C18orf63: variants seen among roughly 807,000 people sequenced by gnomAD.
C18orf63 encodes uncharacterized protein C18orf63.
A neutral mutation model predicts 75.3 loss-of-function variants in C18orf63; 50 were observed. The ratio of observed to expected loss-of-function variants is 0.66; its 90% CI spans 0.53 to 0.84. C18orf63 has a LOEUF of 0.84. Ranked by LOEUF, C18orf63 falls within the 40% of genes least tolerant of loss-of-function variation. The pLI is 0.00. For synonymous variants in C18orf63, 232 were observed against 267.6 expected (o/e 0.87, Z 1.30); for missense variants, 732 against 800.2 (o/e 0.91, Z 1.03).
In C18orf63 at chr18:74,357,172, G is replaced by C. The variant is rs764979573; in HGVS notation, c.*725G>C. 2.6e-5 allele frequency: 4 copies of C among 152,090 alleles called. No individual in the cohort carries two copies. Among genetic ancestry groups the C allele is most frequent in the Non-Finnish European group, 4.4e-5 (3 of 68,006 alleles). The allele number at this position is 152,090 out of a possible 1,614,324, so 9.4% of individuals were successfully genotyped here. A position where few individuals can be genotyped will look rare whatever the true frequency, so the allele number is the denominator to read the frequency against. ...CAAAACTGGAGCCTTTATTGGGGTG[G>C]AGATTTCTGTTTCCACCAGTACTCA... On this transcript the variant is annotated 3_prime_UTR_variant, in exon 14 of 14. Transcript: ENST00000579455.
intron 10 of C18orf63, 42 bp downstream of exon 10, chr18:74,342,368 CCTTATAAT>C: frequency 8.4e-7 from 1 of 1,192,210 alleles, no homozygotes; most frequent in South Asian, 1.3e-5. Context: ...TGTCTGCCCA[CCTTATAAT>C]CTAGTTTTGC....
chr18:74,335,729 T>C (rs955010006), intron 7 of C18orf63, among the ~76,000 whole-genome samples: 1 of 152,122 alleles, frequency 6.6e-6, no homozygotes, highest in Non-Finnish European at 1.5e-5. Flanking sequence ...GGTACTACTA[T>C]GTATATATGC....
At chr18:74,354,825 C>T (rs150856610) in intron 13 of C18orf63, among the ~76,000 whole-genome samples, 74 of 152,296 alleles carry the variant, frequency 4.9e-4, no homozygotes, top group African/African-American at 1.8e-3. Context: ...CTAGGAAGAG[C>T]TCACACAGCA....
At chr18:74,338,616 T>C (rs1174672939) in intron 7 of C18orf63, 99 bp from the exon 8 acceptor site, 2 of 462,462 alleles carry the variant, frequency 4.3e-6, no homozygotes, top group East Asian at 3.3e-5. Flanking sequence ...AAATCTACTT[T>C]ATAACCTACT....
At chr18:74,347,619 A>G (rs1200765328) in intron 11 of C18orf63, among the ~76,000 whole-genome samples, 2 of 152,228 alleles carry the variant, frequency 1.3e-5, no homozygotes, top group Non-Finnish European at 2.9e-5. Context: ...TAACACATAG[A>G]AAAGTTTCTT....
chr18:74,340,165 A>G (rs1984456413), intron 8 of C18orf63, among the ~76,000 whole-genome samples: 1 of 109,824 alleles, frequency 9.1e-6, no homozygotes, highest in African/African-American at 2.9e-5. Context: ...ATAGCAAGAA[A>G]ACAAATAACC....
intron 8 of C18orf63, among the ~76,000 whole-genome samples, chr18:74,341,270 C>CAAAAAAAAAAAAAAA (rs58362707): frequency 1.7e-5 from 1 of 58,986 alleles, no homozygotes; most frequent in Non-Finnish European, 2.8e-5. Flanking sequence ...GACTCCGTCT[C>CAAAAAAAAAAAAAAA]AAAAAAAAAA....
intron 11 of C18orf63, among the ~76,000 whole-genome samples, chr18:74,352,709 G>C (rs1716762823): frequency 6.6e-6 from 1 of 152,174 alleles, no homozygotes; most frequent in South Asian, 2.1e-4. Context: ...ATAAGTCATG[G>C]TTCTTACCCT....
At position 74,328,977 on chromosome 18, in the gene C18orf63, T is replaced by A; in HGVS notation, c.383-18T>A. 1 of 1,413,046 alleles carries A rather than the reference T, an allele frequency of 7.1e-7. No homozygotes were observed. The highest frequency in any genetic ancestry group is 9.7e-7 in the Non-Finnish European group (1 of 1,034,918). 87.5% of individuals were successfully genotyped at this position (1,413,046 alleles called of 1,614,324 possible). The stretch of plus-strand genomic sequence containing the variant: ...TTATGAGTTGTAATAACATGGCATA[T>A]TCTATGAATTTTTTAAGGAAGAGAT... On this transcript the variant is annotated intron_variant, in intron 5 of 13. Coordinates refer to ENST00000579455, the MANE Select transcript of C18orf63 (RefSeq NM_001174123.2).
At chr18:74,334,760 C>T (rs1049208064) in intron 7 of C18orf63, among the ~76,000 whole-genome samples, 2 of 152,066 alleles carry the variant, frequency 1.3e-5, no homozygotes, top group South Asian at 2.1e-4. Flanking sequence ...CTACCATGGC[C>T]TCCATTGACT....
intron 7 of C18orf63, among the ~76,000 whole-genome samples, 151 bp downstream of exon 7, chr18:74,331,093 T>C (rs1283368562): frequency 6.6e-6 from 1 of 152,210 alleles, no homozygotes; most frequent in African/African-American, 2.4e-5. Flanking sequence ...AAATGCTTGA[T>C]ATATTTATGT....
Position 74,353,601 on chromosome 18 carries a change from A to G in C18orf63, c.1334A>G (p.Gln445Arg). 6.5e-7 allele frequency: 1 copy of G among 1,536,352 alleles called. No homozygotes were observed. The highest frequency in any genetic ancestry group is 8.7e-7 in the Non-Finnish European group (1 of 1,146,930). Residue 445 changes from glutamine to arginine, a missense_variant, in exon 12 of 14, where the codon CAA (glutamine) becomes CGA (arginine). This residue lies in a region of C18orf63 where 495 missense variants were observed against 508.7 expected (regional missense o/e 0.97). Transcript: ENST00000579455. ...FVPVFKNRLL[Q>R]MNKNTSVLGS... Reference sequence around the variant, plus strand: ...CCAGTTTTCAAAAATAGATTGTTACAAATGAACAAAAATACCTCAGTACTT... The same window carrying G: ...CCAGTTTTCAAAAATAGATTGTTACGAATGAACAAAAATACCTCAGTACTT...
chr18:74,337,219 A>G (rs749295389), intron 7 of C18orf63, among the ~76,000 whole-genome samples: 13 of 152,120 alleles, frequency 8.5e-5, no homozygotes, highest in Non-Finnish European at 1.6e-4. Flanking sequence ...GTCATCATAT[A>G]AGGGCACTTT....
At chr18:74,338,013 G>T (rs891161567) in intron 7 of C18orf63, among the ~76,000 whole-genome samples, 1 of 152,136 alleles carries the variant, frequency 6.6e-6, no homozygotes, top group Non-Finnish European at 1.5e-5. Flanking sequence ...TGGGGTAAGG[G>T]TTTATGAATC....
At chr18:74,322,816 C>A in intron 4 of C18orf63, 62 bp downstream of exon 4, 1 of 552,242 alleles carries the variant, frequency 1.8e-6, no homozygotes, top group Non-Finnish European at 2.8e-6. Context: ...CGTTCCACTC[C>A]TTTTGTCAAC....
At position 74,353,816 on chromosome 18, in the gene C18orf63, G is replaced by C. The variant is rs1599010839; in HGVS notation, c.1549G>C (p.Glu517Gln). Reference sequence around the variant, plus strand: ...CAGACCTCTGCAAGAAAAAAATACAGAGTCTTCTGAAAATATGACAAAATT... The same window carrying C: ...CAGACCTCTGCAAGAAAAAAATACACAGTCTTCTGAAAATATGACAAAATT... ...NSRPLQEKNT[E>Q]SSENMTKFPS... is the part of the protein sequence containing the mutation. Residue 517 changes from glutamate (E) to glutamine (Q), a missense_variant, in exon 12 of 14, where the codon GAG (glutamate) becomes CAG (glutamine). Physicochemically the swap from Glu to Gln is conservative, Grantham distance 29. Coordinates refer to ENST00000579455, the MANE Select transcript of C18orf63 (RefSeq NM_001174123.2). The C allele has an allele frequency of 6.5e-7, 1 of 1,535,882 alleles. No individual in the cohort carries two copies. Among genetic ancestry groups the C allele is most frequent in the East Asian group, 2.4e-5 (1 of 40,888 alleles).
intron 11 of C18orf63, among the ~76,000 whole-genome samples, chr18:74,346,252 A>G (rs1984573357): frequency 1.3e-5 from 2 of 152,170 alleles, no homozygotes; most frequent in Non-Finnish European, 2.9e-5. Flanking sequence ...GCTTAAATAC[A>G]TTATGACCTG....
In C18orf63 at chr18:74,353,771, A is replaced by G. The variant is rs1984712179; in HGVS notation, c.1504A>G (p.Asn502Asp). ...TAACATTCAGATGCAGGCTGCTAACAATTTAAATCAGGAGAATTCCAGACC... is the reference window on the plus strand; with the variant it reads ...TAACATTCAGATGCAGGCTGCTAACGATTTAAATCAGGAGAATTCCAGACC... The part of the protein sequence containing the change: ...SSNIQMQAAN[N>D]LNQENSRPLQ... The change falls in exon 12 of 14, where the codon AAT becomes GAT. Residue 502 changes from asparagine to aspartate, a missense_variant. This residue lies in a region of C18orf63 where 495 missense variants were observed against 508.7 expected (regional missense o/e 0.97). Transcript: ENST00000579455. 7 of 1,535,884 alleles carry G rather than the reference A, an allele frequency of 4.6e-6. No homozygotes were observed. The highest frequency in any genetic ancestry group is 5.2e-6 in the Non-Finnish European group (6 of 1,146,874).
intron 7 of C18orf63, among the ~76,000 whole-genome samples, chr18:74,334,296 G>C (rs1056738213): frequency 1.3e-5 from 2 of 151,652 alleles, no homozygotes; most frequent in Non-Finnish European, 2.9e-5. Flanking sequence ...TATTTAAAGG[G>C]GAAAGAACAA....
Sources: allele counts gnomAD v4.1 joint callset (sites outside exome capture counted in the v4.1 genomes callset), GRCh38; gene constraint gnomAD v4.1.1; regional missense constraint gnomAD v4.1.1; transcripts MANE v1.5; gene names NCBI Gene and HGNC (gene_info 2026-07-23, HGNC 2026-07-21).